SERPINI2: variants seen among roughly 807,000 people sequenced by gnomAD.
SERPINI2 encodes serpin I2.
A neutral mutation model predicts 47.3 loss-of-function variants in SERPINI2; 48 were observed. That is an observed-to-expected ratio of 1.02 (90% CI 0.81 to 1.29). SERPINI2 has a LOEUF of 1.29. SERPINI2 is among the 50% of genes most tolerant of loss of function. The pLI, the probability that SERPINI2 is intolerant of heterozygous loss-of-function variation, is 0.00. For synonymous variants in SERPINI2, 135 were observed against 149.3 expected (o/e 0.90, Z 0.70); for missense variants, 448 against 456.9 (o/e 0.98, Z 0.18).
chr3:167,475,727 GT>G (rs376674150), upstream of SERPINI2, among the ~76,000 whole-genome samples: 107 of 149,184 alleles, frequency 7.2e-4, no homozygotes, highest in Non-Finnish European at 9.7e-4. Context: ...GAAAATCGGG[GT>G]GGGGGGAGAA....
chr3:167,462,469 T>C (rs1750011252), intron 5 of SERPINI2, among the ~76,000 whole-genome samples: 1 of 152,130 alleles, frequency 6.6e-6, no homozygotes, highest in African/African-American at 2.4e-5. Context: ...CTTCACATCA[T>C]CTTCCCTCCA....
At chr3:167,443,139 G>A (rs1240318586) in intron 8 of SERPINI2, among the ~76,000 whole-genome samples, 1 of 152,064 alleles carries the variant, frequency 6.6e-6, no homozygotes, top group Non-Finnish European at 1.5e-5. Flanking sequence ...ACGGAGTCTC[G>A]CTCTGTCACC....
chr3:167,457,153 T>A (rs1749816714), intron 5 of SERPINI2, among the ~76,000 whole-genome samples: 2 of 152,324 alleles, frequency 1.3e-5, no homozygotes, highest in African/African-American at 4.8e-5. Context: ...AAGATAATAC[T>A]ATACTTTTGA....
rs560908191 is a variant in SERPINI2 at position 167,450,178 on chromosome 3, C to G, written c.965-776G>C. ...GTACTTGCCTTCAAATCTGGGGAAG[C>G]TATGAAATTCTAAGGAACTTCTGTG... On this transcript the variant is annotated intron_variant, in intron 6 of 8. Coordinates refer to ENST00000264677, the Ensembl canonical transcript of SERPINI2. Among the ~76,000 whole-genome samples the G allele has an allele frequency of 2.0e-5, 3 of 152,326 alleles. No individual in the cohort carries two copies. In the South Asian group the frequency reaches 6.2e-4, roughly 32 times the overall value.
upstream of SERPINI2, among the ~76,000 whole-genome samples, chr3:167,476,297 C>G (rs570433623): frequency 4.7e-4 from 72 of 151,790 alleles, no homozygotes; most frequent in Non-Finnish European, 8.8e-4. Context: ...CTGTGAGTTA[C>G]AAAAGAAGAG....
chr3:167,457,893 A>C (rs966496751), intron 5 of SERPINI2, among the ~76,000 whole-genome samples: 1 of 152,188 alleles, frequency 6.6e-6, no homozygotes, highest in Non-Finnish European at 1.5e-5. Context: ...GGACAAATAG[A>C]AGTTTTATAG....
chr3:167,442,019 G>T, exon 9 of SERPINI2: 2 of 962,266 alleles, frequency 2.1e-6, no homozygotes, highest in Non-Finnish European at 3.0e-6. Flanking sequence ...AAAGACATAA[G>T]ATATAGAGCA....
rs367591322 is a variant in SERPINI2, at chr3:167,454,529, G to A, written c.867-1496C>T. On this transcript the variant is annotated intron_variant, in intron 5 of 8. Coordinates refer to ENST00000264677, the Ensembl canonical transcript of SERPINI2. ...ATTACCACAGTCTTTAAACTGAATG[G>A]AGTATGGGCTTTTAAAGGGTGGAGA... Among the ~76,000 whole-genome samples the A allele has an allele frequency of 2.0e-4, 30 of 152,254 alleles. No homozygotes were observed. In the South Asian group the frequency reaches 3.1e-3, roughly 16 times the overall value.
At chr3:167,454,038 GCA>G (rs1484298885) in intron 5 of SERPINI2, among the ~76,000 whole-genome samples, 1 of 152,176 alleles carries the variant, frequency 6.6e-6, no homozygotes, top group Non-Finnish European at 1.5e-5. Flanking sequence ...AAAATTCCAG[GCA>G]ATTCCCAATG....
chr3:167,468,323 G>A (rs935515140), intron 2 of SERPINI2, among the ~76,000 whole-genome samples: 1 of 152,036 alleles, frequency 6.6e-6, no homozygotes, highest in Non-Finnish European at 1.5e-5. Flanking sequence ...GTGTGTGTGT[G>A]TACCTAAGCT....
At chr3:167,458,161 G>T (rs572808525) in intron 5 of SERPINI2, among the ~76,000 whole-genome samples, 4 of 139,808 alleles carry the variant, frequency 2.9e-5, no homozygotes, top group South Asian at 4.5e-4. Flanking sequence ...TGCACTCTCC[G>T]TTTTTGTGAA....
upstream of SERPINI2, among the ~76,000 whole-genome samples, chr3:167,476,730 T>C (rs779654550): frequency 1.4e-4 from 22 of 152,012 alleles, no homozygotes; most frequent in Non-Finnish European, 2.1e-4. Context: ...ACATTTTATA[T>C]AGCTTCACTT....
intron 2 of SERPINI2, 61 bp from the exon 3 acceptor site, chr3:167,467,346 GCTT>G: frequency 8.1e-7 from 1 of 1,227,982 alleles, no homozygotes; most frequent in South Asian, 1.4e-5. Context: ...CAGCTTTTCA[GCTT>G]TGCTATCTAA....
exon 2 of SERPINI2, chr3:167,471,811 A>T (rs1211814664): frequency 6.2e-7 from 1 of 1,611,394 alleles, no homozygotes; most frequent in Admixed American, 1.7e-5. Context: ...GCAATAGAAG[A>T]CTCCACAAGA....
intron 5 of SERPINI2, among the ~76,000 whole-genome samples, chr3:167,453,555 G>A (rs1035937830): frequency 4.6e-5 from 7 of 151,244 alleles, no homozygotes; most frequent in Middle Eastern, 3.2e-3. Context: ...GTTCTTTAGT[G>A]TATGGACAGG....
intron 5 of SERPINI2, among the ~76,000 whole-genome samples, chr3:167,462,503 CT>C (rs34936562): frequency 0.093 from 14,173 of 152,122 alleles, 685 homozygotes; most frequent in Non-Finnish European, 0.11. Flanking sequence ...CTAAATTTTC[CT>C]TTTTAGATGA....
intron 5 of SERPINI2, 88 bp from the exon 6 acceptor site, chr3:167,453,121 T>C (rs1560231527): frequency 1.6e-5 from 10 of 620,000 alleles, no homozygotes; most frequent in Admixed American, 1.3e-4. Flanking sequence ...TAGAGGATAA[T>C]ATATTGTAAA....
At chr3:167,467,446 T>A (rs1750171112) in intron 2 of SERPINI2, among the ~76,000 whole-genome samples, 161 bp from the exon 3 acceptor site, 1 of 152,138 alleles carries the variant, frequency 6.6e-6, no homozygotes, top group Non-Finnish European at 1.5e-5. Context: ...TAAGGATGTA[T>A]CTCCTGTAGA....
chr3:167,445,368 A>C lies in SERPINI2; in HGVS notation c.1141+1024T>G, dbSNP rs889760933. Reference sequence around the variant, plus strand: ...CATTCATATTTATTAATTTATTCATAATGAACACTTAGTATGTGCCAGGCA... The same window carrying C: ...CATTCATATTTATTAATTTATTCATCATGAACACTTAGTATGTGCCAGGCA... On this transcript the variant is annotated intron_variant, in intron 8 of 8. Transcript: ENST00000264677. 2.0e-5 allele frequency among the ~76,000 whole-genome samples: 3 copies of C among 152,188 alleles called. No homozygotes were observed. In the South Asian group the frequency reaches 6.2e-4, roughly 32 times the overall value.
Sources: allele counts gnomAD v4.1 joint callset (sites outside exome capture counted in the v4.1 genomes callset), GRCh38; gene constraint gnomAD v4.1.1; transcripts MANE v1.5; gene names NCBI Gene and HGNC (gene_info 2026-07-23, HGNC 2026-07-21).